NSMAF: variants seen among roughly 807,000 people sequenced by gnomAD.
The protein encoded by NSMAF is neutral sphingomyelinase activation associated factor.
A neutral mutation model predicts 134.9 loss-of-function variants in NSMAF; 90 were observed. That is an observed-to-expected ratio of 0.67 (90% CI 0.56 to 0.79). The LOEUF is 0.79. Among genes scored for constraint, NSMAF ranks in the 30% least tolerant of loss-of-function variants. The probability of loss-of-function intolerance (pLI) is 0.00; values close to 1 mark genes in which losing one functional copy is unlikely to be tolerated. For missense variants in NSMAF, 1,010 were observed against 1,119.0 expected (o/e 0.90, Z 1.39); for synonymous variants, 358 against 389.6 (o/e 0.92, Z 0.96).
intron 16 of NSMAF, 74 bp downstream of exon 16, chr8:58,601,211 G>T: frequency 1.6e-6 from 2 of 1,240,698 alleles, no homozygotes; most frequent in Non-Finnish European, 2.4e-6. Context: ...TATATCCAGT[G>T]CTTTGAAACA....
intron 21 of NSMAF, among the ~76,000 whole-genome samples, chr8:58,596,773 C>T (rs941763273): frequency 6.6e-5 from 10 of 151,856 alleles, no homozygotes; most frequent in Non-Finnish European, 1.3e-4. Flanking sequence ...ACTAAAAATA[C>T]AAAAATTAGC....
chr8:58,601,954 G>A, intron 14 of NSMAF, 104 bp downstream of exon 14: 1 of 816,654 alleles, frequency 1.2e-6, no homozygotes, highest in Non-Finnish European at 2.0e-6. Flanking sequence ...TAGAGTCACT[G>A]GTATAATTCC....
At chr8:58,654,458 G>A (rs1196141061) in intron 1 of NSMAF, among the ~76,000 whole-genome samples, 1 of 152,142 alleles carries the variant, frequency 6.6e-6, no homozygotes, top group East Asian at 1.9e-4. Flanking sequence ...GCTGAGGCAG[G>A]AGAATCGCTT....
intron 2 of NSMAF, among the ~76,000 whole-genome samples, chr8:58,642,142 C>T (rs940447970): frequency 1.3e-5 from 2 of 152,166 alleles, no homozygotes; most frequent in African/African-American, 4.8e-5. Flanking sequence ...TTTACTTTAG[C>T]TTGTATTTAA....
At position 58,659,797 on chromosome 8, in the gene NSMAF, C is replaced by T. The variant is rs146530407; in HGVS notation, c.-166G>A. The stretch of plus-strand genomic sequence containing the variant: ...CCGCTGGGCGGCCGAGAGCCCGACG[C>T]GGCGTCCCGGCCGCGCTCACCGCAG... On this transcript the variant is annotated 5_prime_UTR_variant, in exon 1 of 31. Coordinates refer to ENST00000038176, the MANE Select transcript of NSMAF (RefSeq NM_003580.4). 9.5e-3 allele frequency: 3,338 copies of T among 351,366 alleles called. 130 individuals carry two copies. The East Asian group carries it at 0.11, about 11-fold the overall frequency. The allele number at this position is 351,366 out of a possible 1,614,324, so 21.8% of individuals were successfully genotyped here. A position where few individuals can be genotyped will look rare whatever the true frequency, so the allele number is the denominator to read the frequency against.
Position 58,655,091 on chromosome 8 carries a change from G to A in NSMAF, c.59+4482C>T, listed in dbSNP as rs531536444. Among the ~76,000 whole-genome samples, 6 of 151,986 alleles carry A rather than the reference G, an allele frequency of 3.9e-5. No individual in the cohort carries two copies. In the South Asian group the frequency reaches 1.0e-3, roughly 26 times the overall value. ...TGACCTCAAGTGATCCACCCACCTT[G>A]GCCTCCCAAAGTTCTGGGACTACAG... On this transcript the variant is annotated intron_variant, in intron 1 of 30. Transcript: ENST00000038176.
chr8:58,630,726 T>C (rs1488814853), intron 6 of NSMAF, among the ~76,000 whole-genome samples: 1 of 152,188 alleles, frequency 6.6e-6, no homozygotes, highest in Non-Finnish European at 1.5e-5. Context: ...TTCTGACTAA[T>C]CAGCACATGC....
At chr8:58,600,075 G>T in intron 16 of NSMAF, 54 bp from the exon 17 acceptor site, 1 of 1,322,312 alleles carries the variant, frequency 7.6e-7, no homozygotes, top group South Asian at 1.2e-5. Flanking sequence ...AGCAATAGCA[G>T]CATTTCCTAT....
At chr8:58,595,921 C>A (rs942270526) in intron 21 of NSMAF, 3 of 294,758 alleles carry the variant, frequency 1.0e-5, no homozygotes, top group African/African-American at 6.4e-5. Context: ...CACTCGGCCT[C>A]TAACTTATGA....
At chr8:58,645,460 C>T (rs189163393) in intron 1 of NSMAF, among the ~76,000 whole-genome samples, 4,116 of 152,186 alleles carry the variant, frequency 0.027, 203 homozygotes, top group African/African-American at 0.093. Context: ...AAAAACTAAA[C>T]AGCCTCAGAG....
intron 21 of NSMAF, among the ~76,000 whole-genome samples, chr8:58,596,141 T>A (rs1806130962): frequency 6.6e-6 from 1 of 152,176 alleles, no homozygotes. Flanking sequence ...AACAATCACA[T>A]GACAGTGGTT....
chr8:58,586,855 T>G (rs1006531724), intron 27 of NSMAF, among the ~76,000 whole-genome samples: 12 of 152,244 alleles, frequency 7.9e-5, no homozygotes, highest in African/African-American at 2.9e-4. Flanking sequence ...GTAAAGGTAA[T>G]GCTGTTTTAA....
chr8:58,602,566 T>C (rs868534626), intron 13 of NSMAF, among the ~76,000 whole-genome samples: 1 of 152,142 alleles, frequency 6.6e-6, no homozygotes, highest in African/African-American at 2.4e-5. Flanking sequence ...TTCAGAGAAA[T>C]ACTTTATCAT....
At chr8:58,606,745 G>C (rs1289991556) in intron 11 of NSMAF, among the ~76,000 whole-genome samples, 1 of 152,160 alleles carries the variant, frequency 6.6e-6, no homozygotes, top group Non-Finnish European at 1.5e-5. Flanking sequence ...GCTACCCTTG[G>C]TTCAAATACA....
rs528608537 is a variant in NSMAF, at chr8:58,652,419, T to C, written c.59+7154A>G. Among the ~76,000 whole-genome samples the C allele has an allele frequency of 2.6e-5, 4 of 152,266 alleles. No homozygotes were observed. In the South Asian group the frequency reaches 8.3e-4, roughly 32 times the overall value. ...ACCATGCCAGGAAAAAGGCTGGTGTTTCCCCAATCAAGAACAAACTCTGCC... is the reference window on the plus strand; with the variant it reads ...ACCATGCCAGGAAAAAGGCTGGTGTCTCCCCAATCAAGAACAAACTCTGCC... On this transcript the variant is annotated intron_variant, in intron 1 of 30. Transcript: ENST00000038176.
intron 1 of NSMAF, among the ~76,000 whole-genome samples, chr8:58,647,405 C>A (rs558781700): frequency 6.6e-6 from 1 of 152,172 alleles, no homozygotes; most frequent in East Asian, 1.9e-4. Flanking sequence ...AGTCCTACTA[C>A]CCACCATTGG....
At chr8:58,635,086 C>T (rs2129146238) in intron 5 of NSMAF, 103 bp downstream of exon 5, 2 of 873,876 alleles carry the variant, frequency 2.3e-6, no homozygotes, top group East Asian at 2.5e-5. Context: ...CATTTGATTT[C>T]TATTCCATGG....
intron 23 of NSMAF, among the ~76,000 whole-genome samples, chr8:58,591,706 C>T (rs1036806856): frequency 6.6e-6 from 1 of 151,806 alleles, no homozygotes; most frequent in Non-Finnish European, 1.5e-5. Context: ...AGGTTGGTCT[C>T]GAACTCCTGG....
At chr8:58,656,200 T>C (rs1356812350) in intron 1 of NSMAF, among the ~76,000 whole-genome samples, 6 of 151,714 alleles carry the variant, frequency 4.0e-5, no homozygotes, top group Non-Finnish European at 8.8e-5. Context: ...TGTATTTTTA[T>C]TAGAGATTGG....
Sources: allele counts gnomAD v4.1 joint callset (sites outside exome capture counted in the v4.1 genomes callset), GRCh38; gene constraint gnomAD v4.1.1; transcripts MANE v1.5; gene names NCBI Gene and HGNC (gene_info 2026-07-23, HGNC 2026-07-21).